Variants in PHACTR1 observed in about 807,000 individuals in gnomAD.
PHACTR1 encodes RPEL repeat containing 1.
A neutral mutation model predicts 69.2 loss-of-function variants in PHACTR1; 16 were observed. The ratio of observed to expected loss-of-function variants is 0.23; its 90% CI spans 0.16 to 0.35. The LOEUF (loss-of-function observed/expected upper bound fraction) is 0.35, where lower values mean the gene tolerates loss of function less well. Among genes scored for constraint, PHACTR1 ranks in the 10% least tolerant of loss-of-function variants. PHACTR1 has a pLI of 1.00. For missense variants in PHACTR1, 510 were observed against 734.7 expected (o/e 0.69, Z 3.54); for synonymous variants, 312 against 284.5 (o/e 1.10, Z -0.97).
At chr6:13,238,962 T>G (rs1360194455) in intron 10 of PHACTR1, among the ~76,000 whole-genome samples, 2 of 152,224 alleles carry the variant, frequency 1.3e-5, no homozygotes, top group African/African-American at 2.4e-5. Flanking sequence ...TTAGAGGCCA[T>G]GCTTGTAGGC....
At chr6:12,878,082 G>T (rs1782719423) in intron 4 of PHACTR1, among the ~76,000 whole-genome samples, 1 of 152,208 alleles carries the variant, frequency 6.6e-6, no homozygotes, top group South Asian at 2.1e-4. Context: ...CCAAAATCAT[G>T]CTTTTTCCAC....
chr6:12,933,640 C>T, intron 4 of PHACTR1: 1 of 1,612,668 alleles, frequency 6.2e-7, no homozygotes, highest in Non-Finnish European at 8.5e-7. Flanking sequence ...CAGGCGTTTC[C>T]CTTTTTGGGG....
chr6:13,064,567 T>A (rs1808231876), intron 5 of PHACTR1, among the ~76,000 whole-genome samples: 1 of 2,026 alleles, frequency 4.9e-4, no homozygotes, highest in African/African-American at 2.5e-3. Flanking sequence ...TATATATATA[T>A]ATATATATAT....
chr6:13,214,230 A>AAG (rs386406199), intron 8 of PHACTR1: 10 of 150,876 alleles, frequency 6.6e-5, no homozygotes, highest in Non-Finnish European at 1.5e-5. Flanking sequence ...AAAAAAAAAA[A>AAG]AGCAAGAAAA....
At chr6:12,831,513 C>G (rs1160276956) in intron 4 of PHACTR1, among the ~76,000 whole-genome samples, 1 of 151,794 alleles carries the variant, frequency 6.6e-6, no homozygotes, top group African/African-American at 2.4e-5. Context: ...ATAGAAAGAC[C>G]TACAGCCTGG....
intron 4 of PHACTR1, among the ~76,000 whole-genome samples, chr6:12,954,679 A>T (rs1791670613): frequency 6.6e-6 from 1 of 152,208 alleles, no homozygotes; most frequent in South Asian, 2.1e-4. Flanking sequence ...AATGTTCATG[A>T]TCCTCTAGTG....
At chr6:13,059,458 TCACA>T (rs57652223) in intron 5 of PHACTR1, among the ~76,000 whole-genome samples, 59,161 of 147,954 alleles carry the variant, frequency 0.4, 13,471 homozygotes, top group East Asian at 0.79. Flanking sequence ...AATGTTCTTA[TCACA>T]CACACACACA....
intron 9 of PHACTR1, 87 bp from the exon 10 acceptor site, chr6:13,229,950 T>C: frequency 7.0e-7 from 1 of 1,418,700 alleles, no homozygotes; most frequent in Non-Finnish European, 9.4e-7. Flanking sequence ...ACTTCCTTCC[T>C]GCCTTGTATC....
rs377662070 is a variant in PHACTR1 at position 12,811,983 on chromosome 6, CT to C, written c.250+62205del. Among the ~76,000 whole-genome samples the C allele has an allele frequency of 3.8e-3, 547 of 145,372 alleles. 1 individual carries two copies. Among genetic ancestry groups the C allele is most frequent in the Middle Eastern group, 0.014 (4 of 278 alleles). On this transcript the variant is annotated intron_variant, in intron 4 of 14. Transcript: ENST00000332995. ...CTGGGGAAGAGACAAGCAAGAGCTACTTTTTTTTTTTTATGAGGCAAATGCA... is the reference window on the plus strand; with the variant it reads ...CTGGGGAAGAGACAAGCAAGAGCTACTTTTTTTTTTTATGAGGCAAATGCA...
intron 4 of PHACTR1, among the ~76,000 whole-genome samples, chr6:13,007,069 A>T (rs1798880300): frequency 6.6e-6 from 1 of 152,180 alleles, no homozygotes; most frequent in Non-Finnish European, 1.5e-5. Flanking sequence ...ATTTAACAAT[A>T]TATTGTGGAA....
At position 12,821,418 on chromosome 6, in the gene PHACTR1, G is replaced by A. The variant is rs147810489; in HGVS notation, c.250+71628G>A. 7.4e-3 allele frequency among the ~76,000 whole-genome samples: 1,045 copies of A among 141,468 alleles called. 17 individuals carry two copies. Among genetic ancestry groups the A allele is most frequent in the African/African-American group, 0.026 (994 of 37,764 alleles). The allele number at this position is 141,468 out of a possible 152,430, so 92.8% of individuals were successfully genotyped here. On this transcript the variant is annotated intron_variant, in intron 4 of 14. Transcript: ENST00000332995. Reference sequence around the variant, plus strand: ...GCGGAGGTCGCAGTGAGCTGAGATCGCACCACTGCACTCCAGCCTGGGTGA... The same window carrying A: ...GCGGAGGTCGCAGTGAGCTGAGATCACACCACTGCACTCCAGCCTGGGTGA...
chr6:13,135,669 A>G (rs953370248), intron 5 of PHACTR1, among the ~76,000 whole-genome samples: 2 of 152,216 alleles, frequency 1.3e-5, no homozygotes, highest in African/African-American at 4.8e-5. Context: ...AAAGACAGAC[A>G]GAGATAAAGA....
intron 4 of PHACTR1, among the ~76,000 whole-genome samples, chr6:12,868,638 G>A (rs1781718231): frequency 6.6e-6 from 1 of 152,236 alleles, no homozygotes; most frequent in East Asian, 1.9e-4. Flanking sequence ...GAAAGGGTGA[G>A]GAGAGGGGAA....
At chr6:12,820,187 T>C (rs1056128743) in intron 4 of PHACTR1, among the ~76,000 whole-genome samples, 5 of 152,220 alleles carry the variant, frequency 3.3e-5, no homozygotes, top group Non-Finnish European at 7.3e-5. Context: ...GTTGTTGTTT[T>C]GTTTTGTTTT....
chr6:13,017,352 G>A (rs796396813), intron 4 of PHACTR1, among the ~76,000 whole-genome samples: 27 of 152,164 alleles, frequency 1.8e-4, no homozygotes, highest in African/African-American at 6.3e-4. Context: ...TGTGTGTGAT[G>A]TATACATGTG....
Position 13,049,860 on chromosome 6 carries a change from C to G in PHACTR1, c.251-3505C>G, listed in dbSNP as rs186629728. Among the ~76,000 whole-genome samples, 40 of 152,286 alleles carry G rather than the reference C, an allele frequency of 2.6e-4. No homozygotes were observed. In the East Asian group the frequency reaches 3.1e-3, roughly 12 times the overall value. The stretch of plus-strand genomic sequence containing the variant: ...ATGCTGTGGGGAGCCACCTGCAGTT[C>G]CTACAAGGAACAGGCTTCTAGTAAA... On this transcript the variant is annotated intron_variant, in intron 4 of 14. Transcript: ENST00000332995.
chr6:12,942,115 A>G (rs1207360809), intron 4 of PHACTR1, among the ~76,000 whole-genome samples: 1 of 152,204 alleles, frequency 6.6e-6, no homozygotes, highest in Non-Finnish European at 1.5e-5. Flanking sequence ...TGAGTTTCCA[A>G]TGCCACATCC....
intron 5 of PHACTR1, among the ~76,000 whole-genome samples, chr6:13,076,960 G>A (rs1005381130): frequency 9.0e-6 from 1 of 111,416 alleles, no homozygotes; most frequent in Non-Finnish European, 1.8e-5. Flanking sequence ...GGGGGGAGGG[G>A]GGAGGGATAG....
intron 10 of PHACTR1, among the ~76,000 whole-genome samples, chr6:13,251,722 C>T (rs76968447): frequency 0.014 from 2,197 of 152,206 alleles, 46 homozygotes; most frequent in African/African-American, 0.049. Context: ...CAGTTATCTG[C>T]GCTCTCAAGG....
Sources: gnomAD v4.1 joint callset for allele counts (sites outside exome capture counted in the v4.1 genomes callset) on GRCh38, gnomAD v4.1.1 for gene constraint, MANE v1.5 for transcripts, NCBI Gene and HGNC (gene_info 2026-07-23, HGNC 2026-07-21) for gene names.